PARD3B: variants seen among roughly 807,000 people sequenced by gnomAD.
PARD3B encodes partitioning defective 3 homolog B.
In PARD3B, 103 loss-of-function variants were observed where a neutral mutation model predicts 130.2. The observed-to-expected ratio is 0.79, with a 90% confidence interval of 0.67 to 0.93. The LOEUF (loss-of-function observed/expected upper bound fraction) is 0.93, where lower values mean the gene tolerates loss of function less well. PARD3B is among the 40% of genes least tolerant of loss of function. The pLI, the probability that PARD3B is intolerant of heterozygous loss-of-function variation, is 0.00. For missense variants in PARD3B, 1,609 were observed against 1,499.2 expected, an observed-to-expected ratio of 1.07 and a Z score of -1.21; for synonymous variants, 583 against 553.2, an observed-to-expected ratio of 1.05 and a Z score of -0.76.
intron 16 of PARD3B, among the ~76,000 whole-genome samples, chr2:205,261,743 AAT>A (rs2040321474): frequency 6.6e-6 from 1 of 152,210 alleles, no homozygotes; most frequent in South Asian, 2.1e-4. Context: ...GAAGAAATAA[AAT>A]AGGGTTCACA....
Position 205,553,360 on chromosome 2 carries a change from CT to C in PARD3B, c.3218del (p.Leu1073ProfsTer22). ...GRGPDGNAHN[L>X]RFEGMERQYA... The stretch of plus-strand genomic sequence containing the variant: ...GGGTCCAGATGGGAATGCACACAAC[CT>C]CCGCTTTGAAGGGATGGAGAGGCAG... On this transcript the variant is annotated frameshift_variant, in exon 22 of 23. Transcript: ENST00000406610. LOFTEE classifies it high-confidence loss of function. The C allele has an allele frequency of 6.2e-7, 1 of 1,614,064 alleles. No individual in the cohort carries two copies. The highest frequency in any genetic ancestry group is 8.5e-7 in the Non-Finnish European group (1 of 1,179,950).
chr2:205,262,069 A>T (rs1189279994), intron 16 of PARD3B, among the ~76,000 whole-genome samples: 1 of 152,096 alleles, frequency 6.6e-6, no homozygotes, highest in Non-Finnish European at 1.5e-5. Flanking sequence ...TCATCTTTCT[A>T]AAGTCTAGAT....
At chr2:204,627,724 T>G (rs775825973) in intron 1 of PARD3B, among the ~76,000 whole-genome samples, 1 of 152,174 alleles carries the variant, frequency 6.6e-6, no homozygotes, top group Non-Finnish European at 1.5e-5. Flanking sequence ...ATACTATGTT[T>G]GTGCTAATGA....
rs1252979523 is a variant in PARD3B at position 205,341,289 on chromosome 2, C to G, written c.2630+39588C>G. Among the ~76,000 whole-genome samples, 2 of 151,908 alleles carry G rather than the reference C, an allele frequency of 1.3e-5. No homozygotes were observed. The highest frequency in any genetic ancestry group is 2.9e-5 in the Non-Finnish European group (2 of 67,922). On this transcript the variant is annotated intron_variant, in intron 18 of 22. Transcript: ENST00000406610. The surrounding 1 kb of genome is among the most constrained non-coding windows in gnomAD (Gnocchi z 4.3). ...CAGTATATCAAAGGGATACCTGCAC[C>G]CGCATGTTTAATGCATCACTGTTCA... is the stretch of plus-strand genomic sequence containing the variant.
At chr2:205,052,117 C>T (rs1343532018) in intron 4 of PARD3B, among the ~76,000 whole-genome samples, 2 of 151,986 alleles carry the variant, frequency 1.3e-5, no homozygotes, top group Non-Finnish European at 2.9e-5. Context: ...GTTCTTGAAA[C>T]TGATGTTCTC....
intron 1 of PARD3B, among the ~76,000 whole-genome samples, chr2:204,580,427 T>C (rs1217241330): frequency 6.6e-6 from 1 of 152,156 alleles, no homozygotes; most frequent in Non-Finnish European, 1.5e-5. Flanking sequence ...ACCACCTTTT[T>C]CTGATACTGA....
chr2:204,933,359 AG>A (rs1688169221), intron 2 of PARD3B, among the ~76,000 whole-genome samples: 1 of 152,232 alleles, frequency 6.6e-6, no homozygotes, highest in Non-Finnish European at 1.5e-5. Context: ...GATAGATCAC[AG>A]GGACTTTAAT....
At position 204,906,690 on chromosome 2, in the gene PARD3B, T is replaced by G. The variant is rs934439886; in HGVS notation, c.223-58462T>G. Among the ~76,000 whole-genome samples the G allele has an allele frequency of 3.3e-5, 5 of 152,248 alleles. No homozygotes were observed. The highest frequency in any genetic ancestry group is 7.3e-5 in the Non-Finnish European group (5 of 68,044). On this transcript the variant is annotated intron_variant, in intron 2 of 22. Coordinates refer to ENST00000406610, the MANE Select transcript of PARD3B (RefSeq NM_001302769.2). This position sits in a 1 kb window ranked among gnomAD's most constrained non-coding sequence, Gnocchi z 4.3. ...TTTGTAAAAAGAGTGAGTTCAAAAT[T>G]TGTTTTTACATTTAGCCTGACTTCC...
intron 2 of PARD3B, among the ~76,000 whole-genome samples, chr2:204,745,254 T>C (rs1028846290): frequency 6.6e-6 from 1 of 152,080 alleles, no homozygotes; most frequent in East Asian, 1.9e-4. Context: ...TCAAGGAACT[T>C]GTGTTTTGCG....
intron 20 of PARD3B, among the ~76,000 whole-genome samples, chr2:205,462,252 G>A (rs2048476195): frequency 6.6e-6 from 1 of 152,164 alleles, no homozygotes; most frequent in Admixed American, 6.5e-5. Flanking sequence ...GTACTTACTT[G>A]GATTAAAAGC....
intron 2 of PARD3B, among the ~76,000 whole-genome samples, chr2:204,894,811 A>G (rs958187159): frequency 1.3e-5 from 2 of 152,106 alleles, no homozygotes; most frequent in Non-Finnish European, 2.9e-5. Context: ...TTTATAGATG[A>G]CATGGATAAA....
chr2:205,109,218 A>G (rs1336753473), intron 5 of PARD3B, among the ~76,000 whole-genome samples: 4 of 152,200 alleles, frequency 2.6e-5, no homozygotes, highest in African/African-American at 9.7e-5. Flanking sequence ...ATATTTCACC[A>G]TCAAGTAGAG....
chr2:205,122,078 T>TA lies in PARD3B; in HGVS notation c.1165+130dup, dbSNP rs1446708896. On this transcript the variant is annotated intron_variant, in intron 8 of 22. Coordinates refer to ENST00000406610, the MANE Select transcript of PARD3B (RefSeq NM_001302769.2). This position sits in a 1 kb window ranked among gnomAD's most constrained non-coding sequence, Gnocchi z 4.3. ...TTGTATCAAAGAATAGATTTAAGTGTATACTTAGGTAACTTAAATTTCTTG... is the reference window on the plus strand; with the variant it reads ...TTGTATCAAAGAATAGATTTAAGTGTAATACTTAGGTAACTTAAATTTCTTG... The TA allele has an allele frequency of 7.6e-6, 6 of 790,294 alleles. No individual in the cohort carries two copies. Among genetic ancestry groups the TA allele is most frequent in the Non-Finnish European group, 1.2e-5 (6 of 514,634 alleles). 49.0% of individuals were successfully genotyped at this position (790,294 alleles called of 1,614,324 possible).
In PARD3B at chr2:205,105,985, G is replaced by C. The variant is rs1703178530; in HGVS notation, c.593+1471G>C. ...TCAGTGTTAGCTTTTTGAAAAGTTTGTTAATATCTTGTCCAAATGCTATGT... is the reference window on the plus strand; with the variant it reads ...TCAGTGTTAGCTTTTTGAAAAGTTTCTTAATATCTTGTCCAAATGCTATGT... On this transcript the variant is annotated intron_variant, in intron 5 of 22. Coordinates refer to ENST00000406610, the MANE Select transcript of PARD3B (RefSeq NM_001302769.2). This position sits in a 1 kb window ranked among gnomAD's most constrained non-coding sequence, Gnocchi z 4.0. Among the ~76,000 whole-genome samples the C allele has an allele frequency of 6.6e-6, 1 of 151,834 alleles. No individual in the cohort carries two copies. Among genetic ancestry groups the C allele is most frequent in the Non-Finnish European group, 1.5e-5 (1 of 67,920 alleles).
intron 16 of PARD3B, among the ~76,000 whole-genome samples, chr2:205,249,473 T>C (rs2039743789): frequency 6.6e-6 from 1 of 152,158 alleles, no homozygotes; most frequent in South Asian, 2.1e-4. Context: ...TGTGACAATA[T>C]TTTTGGTACC....
chr2:204,855,552 A>AAAAAT (rs892814373), intron 2 of PARD3B, among the ~76,000 whole-genome samples: 1 of 143,136 alleles, frequency 7.0e-6, no homozygotes, highest in African/African-American at 2.7e-5. Flanking sequence ...AAGAAAAAAA[A>AAAAAT]ATATATATAT....
chr2:204,963,333 G>T (rs904081850), intron 2 of PARD3B, among the ~76,000 whole-genome samples: 1 of 152,020 alleles, frequency 6.6e-6, no homozygotes, highest in Non-Finnish European at 1.5e-5. Context: ...TTAAGCTTTT[G>T]TATTATACTT....
At chr2:205,162,844 G>A (rs1056228738) in intron 11 of PARD3B, among the ~76,000 whole-genome samples, 3 of 152,108 alleles carry the variant, frequency 2.0e-5, no homozygotes, top group Non-Finnish European at 2.9e-5. Flanking sequence ...TAAATGATCC[G>A]TCTGAAGATG....
intron 2 of PARD3B, among the ~76,000 whole-genome samples, chr2:204,819,510 T>C (rs2043261081): frequency 6.6e-6 from 1 of 152,176 alleles, no homozygotes; most frequent in African/African-American, 2.4e-5. Context: ...AATGATAATA[T>C]ACTTAGGCCA....
Sources: allele counts gnomAD v4.1 joint callset (sites outside exome capture counted in the v4.1 genomes callset), GRCh38; gene constraint gnomAD v4.1.1; non-coding constraint Gnocchi (gnomAD v3.1); transcripts MANE v1.5; gene names NCBI Gene and HGNC (gene_info 2026-07-23, HGNC 2026-07-21).